Variants in ATXN1 observed in about 807,000 individuals in gnomAD.
ATXN1 encodes ataxin-1.
A neutral mutation model predicts 56.4 loss-of-function variants in ATXN1; 8 were observed. The ratio of observed to expected loss-of-function variants is 0.14; its 90% CI spans 0.08 to 0.26. ATXN1 has a LOEUF of 0.26. Among genes scored for constraint, ATXN1 ranks in the 10% least tolerant of loss-of-function variants. ATXN1 has a pLI of 1.00. For synonymous variants in ATXN1, 514 were observed against 494.6 expected, an observed-to-expected ratio of 1.04 and a Z score of -0.52; for missense variants, 987 against 1,106.5, an observed-to-expected ratio of 0.89 and a Z score of 1.53.
chr6:16,428,133 T>TC (rs1554146238), intron 6 of ATXN1, among the ~76,000 whole-genome samples: 1 of 151,094 alleles, frequency 6.6e-6, no homozygotes, highest in Non-Finnish European at 1.5e-5. Flanking sequence ...TTTTTTTTTT[T>TC]CTGAGATGTA....
chr6:16,339,362 T>C (rs978296500), intron 6 of ATXN1, among the ~76,000 whole-genome samples: 1 of 152,144 alleles, frequency 6.6e-6, no homozygotes, highest in Non-Finnish European at 1.5e-5. Context: ...CTGTCCTTGG[T>C]GTGGCTGAAT....
intron 2 of ATXN1, among the ~76,000 whole-genome samples, chr6:16,672,200 CTT>C (rs1331778461): frequency 1.3e-5 from 2 of 152,206 alleles, no homozygotes; most frequent in East Asian, 1.9e-4. Context: ...ACGTTTCCCT[CTT>C]GTTTACTCCC....
At chr6:16,396,271 A>C (rs898707387) in intron 6 of ATXN1, among the ~76,000 whole-genome samples, 5 of 147,652 alleles carry the variant, frequency 3.4e-5, no homozygotes, top group Admixed American at 6.6e-5. Flanking sequence ...AAAAAAAAAA[A>C]CTTTTTTTAA....
At chr6:16,729,905 T>C (rs1219334621) in intron 2 of ATXN1, among the ~76,000 whole-genome samples, 1 of 152,216 alleles carries the variant, frequency 6.6e-6, no homozygotes, top group Non-Finnish European at 1.5e-5. Context: ...AGGTGCTCAA[T>C]AAATGTTGAT....
chr6:16,535,513 A>G (rs914088546), intron 4 of ATXN1, among the ~76,000 whole-genome samples: 4 of 152,214 alleles, frequency 2.6e-5, no homozygotes, highest in East Asian at 1.9e-4. Context: ...AATAAACAAC[A>G]TAGTACTGGA....
intron 6 of ATXN1, among the ~76,000 whole-genome samples, chr6:16,433,317 A>C (rs1759323812): frequency 6.6e-6 from 1 of 152,158 alleles, no homozygotes. Context: ...CCTTCTGAAT[A>C]CTTCTTTTTG....
chr6:16,408,054 T>C (rs1251335645), intron 6 of ATXN1, among the ~76,000 whole-genome samples: 2 of 152,108 alleles, frequency 1.3e-5, no homozygotes, highest in African/African-American at 2.4e-5. Context: ...ACAGGGGATA[T>C]AACATTAGGA....
intron 4 of ATXN1, among the ~76,000 whole-genome samples, chr6:16,577,264 C>T (rs1050447592): frequency 2.0e-5 from 3 of 152,132 alleles, no homozygotes; most frequent in African/African-American, 7.2e-5. Flanking sequence ...TGGCTCATGC[C>T]TGCAATCCCA....
At chr6:16,553,348 G>A (rs553568005) in intron 4 of ATXN1, among the ~76,000 whole-genome samples, 89 of 152,218 alleles carry the variant, frequency 5.8e-4, no homozygotes, top group Middle Eastern at 3.4e-3. Context: ...GCTCCTGTCC[G>A]GGTTCAGGAA....
intron 6 of ATXN1, among the ~76,000 whole-genome samples, chr6:16,358,553 G>C (rs559514972): frequency 1.3e-5 from 2 of 152,368 alleles, no homozygotes; most frequent in African/African-American, 4.8e-5. Context: ...CTCAGGAATG[G>C]AAAACTGAAC....
intron 6 of ATXN1, among the ~76,000 whole-genome samples, chr6:16,371,697 C>T (rs1212307084): frequency 6.6e-6 from 1 of 152,126 alleles, no homozygotes; most frequent in East Asian, 1.9e-4. Context: ...GGACTACAGG[C>T]ATGCCACTAT....
chr6:16,648,771 C>G lies in ATXN1; in HGVS notation c.-489+9005G>C, dbSNP rs536961873. Among the ~76,000 whole-genome samples the G allele has an allele frequency of 3.9e-5, 6 of 152,262 alleles. No individual in the cohort carries two copies. The South Asian group carries it at 1.2e-3, about 32-fold the overall frequency. Reference sequence around the variant, plus strand: ...TCAATCAATAAATGTTAGTGACTGACTAATTTCTTAATTAGTTAATCCAGT... The same window carrying G: ...TCAATCAATAAATGTTAGTGACTGAGTAATTTCTTAATTAGTTAATCCAGT... On this transcript the variant is annotated intron_variant, in intron 3 of 7. Coordinates refer to ENST00000436367, the MANE Select transcript of ATXN1 (RefSeq NM_001128164.2).
At chr6:16,661,083 C>T (rs1005628420) in intron 2 of ATXN1, among the ~76,000 whole-genome samples, 4 of 151,684 alleles carry the variant, frequency 2.6e-5, no homozygotes, top group African/African-American at 7.3e-5. Context: ...GTGATTCACC[C>T]GCTTTGACCT....
intron 6 of ATXN1, among the ~76,000 whole-genome samples, chr6:16,339,165 A>G (rs779174665): frequency 1.3e-5 from 2 of 152,132 alleles, no homozygotes; most frequent in Non-Finnish European, 2.9e-5. Context: ...TTCACCACAC[A>G]ACACGATGCA....
chr6:16,470,260 T>C (rs1760191247), intron 6 of ATXN1, among the ~76,000 whole-genome samples: 1 of 152,166 alleles, frequency 6.6e-6, no homozygotes, highest in African/African-American at 2.4e-5. Context: ...TCCACTTATA[T>C]GAGCCACTTA....
chr6:16,624,990 G>C (rs988119510), intron 3 of ATXN1, among the ~76,000 whole-genome samples: 1 of 152,120 alleles, frequency 6.6e-6, no homozygotes, highest in Non-Finnish European at 1.5e-5. Context: ...ACTTGTTTTT[G>C]AACAGCCTAA....
At chr6:16,465,319 T>C (rs1042916789) in intron 6 of ATXN1, among the ~76,000 whole-genome samples, 1 of 152,152 alleles carries the variant, frequency 6.6e-6, no homozygotes, top group Non-Finnish European at 1.5e-5. Flanking sequence ...TAGCTGGGCA[T>C]GGTGGCAGGT....
chr6:16,494,268 G>A (rs1044454488), intron 5 of ATXN1, among the ~76,000 whole-genome samples: 7 of 152,192 alleles, frequency 4.6e-5, no homozygotes, highest in African/African-American at 1.7e-4. Context: ...ACAATATCAT[G>A]CGTTCCCTGT....
chr6:16,635,272 G>T (rs1763575207), intron 3 of ATXN1, among the ~76,000 whole-genome samples: 1 of 152,042 alleles, frequency 6.6e-6, no homozygotes, highest in Non-Finnish European at 1.5e-5. Flanking sequence ...ACAAGCTCAA[G>T]GATCTCACTG....
Sources: allele counts gnomAD v4.1 joint callset (sites outside exome capture counted in the v4.1 genomes callset), GRCh38; gene constraint gnomAD v4.1.1; transcripts MANE v1.5; gene names NCBI Gene and HGNC (gene_info 2026-07-23, HGNC 2026-07-21).